STAT3: variants seen among roughly 807,000 people sequenced by gnomAD.
STAT3 encodes DNA-binding protein APRF.
Under a neutral mutation model 114.3 loss-of-function variants are expected in STAT3, and 7 were observed. The observed-to-expected ratio is 0.06, with a 90% CI of 0.03 to 0.11. STAT3 has a LOEUF of 0.11. Ranked by LOEUF, STAT3 falls within the 10% of genes least tolerant of loss-of-function variation. STAT3 has a pLI of 1.00. For missense variants in STAT3, 364 were observed against 960.9 expected (o/e 0.38, Z 8.21); for synonymous variants, 331 against 354.5 (o/e 0.93, Z 0.74).
At chr17:42,346,104 C>T (rs2082689621) in intron 3 of STAT3, among the ~76,000 whole-genome samples, 1 of 152,066 alleles carries the variant, frequency 6.6e-6, no homozygotes, top group Non-Finnish European at 1.5e-5. Flanking sequence ...TCTCAAAACT[C>T]CCAGGCTCAA....
In STAT3 at chr17:42,316,678, A is replaced by G. The variant is rs745575806; in HGVS notation, c.2257+111T>C. ...CATCTCTTTTGGAAAGCAAAGCTCT[A>G]GAATCTCCTACCATTCCGAGTGACC... On this transcript the variant is annotated intron_variant, in intron 23 of 23. Coordinates refer to ENST00000264657, the MANE Select transcript of STAT3 (RefSeq NM_139276.3). 1.9e-6 allele frequency: 3 copies of G among 1,555,946 alleles called. No homozygotes were observed. The African/African-American group carries it at 4.1e-5, about 21-fold the overall frequency.
chr17:42,347,441 G>A (rs967653474), intron 2 of STAT3, among the ~76,000 whole-genome samples: 2 of 152,142 alleles, frequency 1.3e-5, no homozygotes, highest in Non-Finnish European at 2.9e-5. Context: ...GGAAAAACCA[G>A]GTCATATTAA....
At position 42,315,128 on chromosome 17, in the gene STAT3, T is replaced by G. The variant is rs1211408180; in HGVS notation, c.*617A>C. On this transcript the variant is annotated 3_prime_UTR_variant, in exon 24 of 24. Coordinates refer to ENST00000264657, the MANE Select transcript of STAT3 (RefSeq NM_139276.3). Reference sequence around the variant, plus strand: ...GCCTCGGCCTCCCAAAGTGCTGGGATTACAGGCGTGAGCCACCATGCCCGG... The same window carrying G: ...GCCTCGGCCTCCCAAAGTGCTGGGAGTACAGGCGTGAGCCACCATGCCCGG... The G allele has an allele frequency of 4.9e-6, 1 of 202,328 alleles. No individual in the cohort carries two copies. Among genetic ancestry groups the G allele is most frequent in the Non-Finnish European group, 1.0e-5 (1 of 98,420 alleles). 12.5% of individuals were successfully genotyped at this position (202,328 alleles called of 1,614,324 possible).
At chr17:42,358,688 G>C (rs1431082771) in intron 1 of STAT3, among the ~76,000 whole-genome samples, 1 of 152,112 alleles carries the variant, frequency 6.6e-6, no homozygotes, top group African/African-American at 2.4e-5. Flanking sequence ...GAGCTGGATG[G>C]GCCTGGGTGC....
intron 1 of STAT3, among the ~76,000 whole-genome samples, chr17:42,380,252 G>A (rs1459735396): frequency 1.3e-5 from 2 of 152,004 alleles, no homozygotes; most frequent in East Asian, 1.9e-4. Flanking sequence ...GGGCAGGCTG[G>A]TCTTGAACTC....
intron 20 of STAT3, 141 bp from the exon 21 acceptor site, chr17:42,322,635 C>T: frequency 1.1e-6 from 1 of 931,932 alleles, no homozygotes; most frequent in Non-Finnish European, 1.7e-6. Context: ...TGTTCAGTGG[C>T]CTGGCACTGT....
At chr17:42,334,174 G>T in intron 8 of STAT3, 125 bp from the exon 9 acceptor site, 1 of 1,099,952 alleles carries the variant, frequency 9.1e-7, no homozygotes, top group East Asian at 2.5e-5. Flanking sequence ...TTTTTATTGT[G>T]GTGAAATATA....
Position 42,315,647 on chromosome 17 carries a change from A to T in STAT3, c.*98T>A. The T allele has an allele frequency of 8.0e-7, 1 of 1,252,590 alleles. No homozygotes were observed. 77.6% of individuals were successfully genotyped at this position (1,252,590 alleles called of 1,614,324 possible). A position where few individuals can be genotyped will look rare whatever the true frequency, so the allele number is the denominator to read the frequency against. The stretch of plus-strand genomic sequence containing the variant: ...AAAAAAAATCTGGAACCACAAAGTT[A>T]GTAGTTTCAGATGATCTGGGGTTTG... On this transcript the variant is annotated 3_prime_UTR_variant, in exon 24 of 24. Transcript: ENST00000264657.
In STAT3 at chr17:42,346,722, AG is replaced by A; in HGVS notation, c.129-10del. On this transcript the variant is annotated splice_polypyrimidine_tract_variant and intron_variant, in intron 2 of 23. Transcript: ENST00000264657. ...TGCTGGCCGCATATGCCCTAGGAAA[AG>A]GAAGAATGATAAAGAATGGCTCTGA... The A allele has an allele frequency of 6.2e-7, 1 of 1,614,152 alleles. No homozygotes were observed. The highest frequency in any genetic ancestry group is 8.5e-7 in the Non-Finnish European group (1 of 1,180,024).
At chr17:42,347,616 A>G (rs937190420) in intron 2 of STAT3, among the ~76,000 whole-genome samples, 3 of 152,198 alleles carry the variant, frequency 2.0e-5, no homozygotes, top group Non-Finnish European at 2.9e-5. Flanking sequence ...TCATACTGAA[A>G]TGTAACCCCC....
At chr17:42,322,631 G>C (rs1330554409) in intron 20 of STAT3, 137 bp from the exon 21 acceptor site, 10 of 950,612 alleles carry the variant, frequency 1.1e-5, no homozygotes, top group Non-Finnish European at 1.7e-5. Flanking sequence ...ACCCTGTTCA[G>C]TGGCCTGGCA....
chr17:42,337,781 C>A lies in STAT3; in HGVS notation c.627G>T (p.Ala209=), dbSNP rs759225787. Residue 209 remains alanine (A), a synonymous_variant, in exon 7 of 24, where the codon GCG becomes GCT. Transcript: ENST00000264657. This position sits in a 1 kb window ranked among gnomAD's most constrained non-coding sequence, Gnocchi z 4.0. ...CCCTTACTCTCCGCATCTGGTCCAG[C>A]GCAGTGAGCATCTGTTCCAGCTGCT... is the stretch of plus-strand genomic sequence containing the variant. ...KMQQLEQMLT[A]LDQMRRSIVS... is the part of the protein sequence containing the mutation. 17 of 1,614,234 alleles carry A rather than the reference C, an allele frequency of 1.1e-5. No individual in the cohort carries two copies. The highest frequency in any genetic ancestry group is 1.4e-5 in the Non-Finnish European group (17 of 1,180,050).
intron 21 of STAT3, among the ~76,000 whole-genome samples, chr17:42,321,054 A>G (rs986015828): frequency 6.7e-6 from 1 of 150,290 alleles, no homozygotes; most frequent in Non-Finnish European, 1.5e-5. Context: ...CCAAAGTGCT[A>G]GGACTGCAGG....
rs12721583 is a variant in STAT3 at position 42,337,740 on chromosome 17, A to T, written c.645+23T>A. ...GCAAGTGAGCGAGACACATGGGGGA[A>T]GTGGTCCGACCTATGCCCTTACTCT... On this transcript the variant is annotated intron_variant, in intron 7 of 23. Transcript: ENST00000264657. This position sits in a 1 kb window ranked among gnomAD's most constrained non-coding sequence, Gnocchi z 4.0. The T allele has an allele frequency of 4.0e-3, 6,428 of 1,613,934 alleles. 222 individuals are homozygous for T. In the African/African-American group the frequency reaches 0.076, roughly 19 times the overall value.
intron 21 of STAT3, among the ~76,000 whole-genome samples, chr17:42,319,720 A>T (rs146896614): frequency 6.6e-6 from 1 of 152,022 alleles, no homozygotes; most frequent in African/African-American, 2.4e-5. Flanking sequence ...TCTTGGGAGG[A>T]TAATCTAACC....
rs1268881891 is a variant in STAT3, at chr17:42,326,214, A to G, written c.1282-15T>C. The stretch of plus-strand genomic sequence containing the variant: ...ATCAGGGAAGCCTACAGTAACGAGA[A>G]GGACACTCTTAGGCCAGGTGTGGTG... On this transcript the variant is annotated splice_polypyrimidine_tract_variant and intron_variant, in intron 14 of 23. Transcript: ENST00000264657. 1.9e-6 allele frequency: 3 copies of G among 1,612,402 alleles called. No individual in the cohort carries two copies. Among genetic ancestry groups the G allele is most frequent in the East Asian group, 2.2e-5 (1 of 44,816 alleles).
At chr17:42,361,982 G>C (rs1306674833) in intron 1 of STAT3, among the ~76,000 whole-genome samples, 1 of 152,150 alleles carries the variant, frequency 6.6e-6, no homozygotes, top group East Asian at 1.9e-4. Flanking sequence ...CATGTGATGG[G>C]ACTTGGTGAC....
chr17:42,325,225 C>T (rs1686769345), intron 15 of STAT3, 164 bp from the exon 16 acceptor site: 1 of 645,612 alleles, frequency 1.5e-6, no homozygotes, highest in African/African-American at 1.8e-5. Context: ...TCAGTGAGCA[C>T]TCATAGTGGA....
At chr17:42,346,522 C>T (rs750499605) in intron 3 of STAT3, 47 bp downstream of exon 3, 11 of 1,613,382 alleles carry the variant, frequency 6.8e-6, no homozygotes, top group East Asian at 4.5e-5. Flanking sequence ...CACTAACACC[C>T]GACTCTGCGG....
Sources: gnomAD v4.1 joint callset for allele counts (sites outside exome capture counted in the v4.1 genomes callset) on GRCh38, gnomAD v4.1.1 for gene constraint, Gnocchi (gnomAD v3.1) non-coding constraint, MANE v1.5 for transcripts, NCBI Gene and HGNC (gene_info 2026-07-23, HGNC 2026-07-21) for gene names.